The following EFR3B variants were observed in gnomAD, a reference collection of about 807,000 sequenced individuals.
EFR3B encodes the protein protein EFR3 homolog B.
In EFR3B, 64 loss-of-function variants were observed where a neutral mutation model predicts 104.7. That is an observed-to-expected ratio of 0.61 (90% CI 0.50 to 0.75). EFR3B has a LOEUF of 0.75. EFR3B is among the 30% of genes least tolerant of loss of function. The pLI, the probability that EFR3B is intolerant of heterozygous loss-of-function variation, is 0.00. For missense variants in EFR3B, 750 were observed against 1,078.5 expected (o/e 0.70, Z 4.27); for synonymous variants, 385 against 417.9 (o/e 0.92, Z 0.96).
chr2:25,087,412 T>G (rs1406496801), intron 1 of EFR3B, among the ~76,000 whole-genome samples: 2 of 151,974 alleles, frequency 1.3e-5, no homozygotes, highest in African/African-American at 4.8e-5. Context: ...TTATTAGCTA[T>G]GTCTTCTACA....
chr2:25,086,707 C>T (rs1020298114), intron 1 of EFR3B, among the ~76,000 whole-genome samples: 1 of 152,106 alleles, frequency 6.6e-6, no homozygotes, highest in African/African-American at 2.4e-5. Flanking sequence ...ATTCTGTTAC[C>T]TCAGCCTCCC....
chr2:25,106,424 G>C (rs1558604026), intron 4 of EFR3B, among the ~76,000 whole-genome samples: 1 of 151,728 alleles, frequency 6.6e-6, no homozygotes, highest in Admixed American at 6.6e-5. Flanking sequence ...CCAGTAGCTA[G>C]GATTAGAGGT....
rs971193729 is a variant in EFR3B, at chr2:25,142,278, A to G, written c.1922+845A>G. Among the ~76,000 whole-genome samples, 12 of 152,150 alleles carry G rather than the reference A, an allele frequency of 7.9e-5. No individual in the cohort carries two copies. In the East Asian group the frequency reaches 1.7e-3, roughly 22 times the overall value. On this transcript the variant is annotated intron_variant, in intron 17 of 22. Transcript: ENST00000403714. Reference sequence around the variant, plus strand: ...GCCAACATGGTGAAACCCCATCTCTACTAAAAATACAAAAATTAGCCAGGT... The same window carrying G: ...GCCAACATGGTGAAACCCCATCTCTGCTAAAAATACAAAAATTAGCCAGGT...
intron 12 of EFR3B, 121 bp downstream of exon 12, chr2:25,133,555 C>A: frequency 9.4e-7 from 1 of 1,064,980 alleles, no homozygotes; most frequent in South Asian, 1.4e-5. Context: ...TACACCCAGT[C>A]GGTTGAGTCG....
At chr2:25,069,992 C>T (rs1668450528) in intron 1 of EFR3B, among the ~76,000 whole-genome samples, 2 of 152,200 alleles carry the variant, frequency 1.3e-5, no homozygotes, top group African/African-American at 4.8e-5. Context: ...CCCCCACACC[C>T]AGCCAGGGTT....
In EFR3B at chr2:25,154,323, G is replaced by A. The variant is rs1262329645; in HGVS notation, c.2437G>A (p.Asp813Asn). 6.4e-6 allele frequency: 10 copies of A among 1,552,008 alleles called. No homozygotes were observed. In the African/African-American group the frequency reaches 6.8e-5, roughly 11 times the overall value. The change falls in exon 23 of 23, where the codon GAT becomes AAT. Residue 813 changes from aspartate to asparagine, a missense_variant. Coordinates refer to ENST00000403714, the MANE Select transcript of EFR3B (RefSeq NM_014971.2). This position sits in a 1 kb window ranked among gnomAD's most constrained non-coding sequence, Gnocchi z 4.1. ...CCCCGTCTATGAAATGAAGTTTCCC[G>A]ATCTGTGTGTATACTGAATTCCAAG... ...SIPVYEMKFP[D>N]LCVY
intron 1 of EFR3B, among the ~76,000 whole-genome samples, chr2:25,064,054 C>G (rs929987020): frequency 6.6e-6 from 1 of 152,168 alleles, no homozygotes; most frequent in African/African-American, 2.4e-5. Flanking sequence ...CAACCTAGTA[C>G]TTGTTTTGCA....
intron 20 of EFR3B, among the ~76,000 whole-genome samples, chr2:25,151,455 C>A (rs912036303): frequency 4.6e-5 from 7 of 152,046 alleles, no homozygotes; most frequent in African/African-American, 1.7e-4. Context: ...GGGGTTTCAC[C>A]ATGATGGCCA....
At chr2:25,101,787 T>C (rs2149190347) in intron 3 of EFR3B, among the ~76,000 whole-genome samples, 1 of 152,294 alleles carries the variant, frequency 6.6e-6, no homozygotes, top group South Asian at 2.1e-4. Context: ...AAGGGACATA[T>C]TTTAGGGGAG....
At chr2:25,061,861 G>T (rs556444392) in intron 1 of EFR3B, among the ~76,000 whole-genome samples, 3 of 151,888 alleles carry the variant, frequency 2.0e-5, no homozygotes, top group African/African-American at 7.2e-5. Flanking sequence ...GATTGTGGAT[G>T]TACTGGCCCT....
At chr2:25,096,546 T>C (rs963627880) in intron 3 of EFR3B, among the ~76,000 whole-genome samples, 4 of 152,192 alleles carry the variant, frequency 2.6e-5, no homozygotes, top group African/African-American at 4.8e-5. Context: ...CATCCTCAGC[T>C]TGACTTCTGG....
Position 25,143,784 on chromosome 2 carries a change from A to G in EFR3B, c.1972A>G (p.Ser658Gly). 6.4e-7 allele frequency: 1 copy of G among 1,551,610 alleles called. No individual in the cohort carries two copies. The highest frequency in any genetic ancestry group is 8.7e-7 in the Non-Finnish European group (1 of 1,146,986). Residue 658 changes from serine to glycine, a missense_variant, in exon 18 of 23, where the codon AGC becomes GGC. Ser to Gly is a moderately conservative substitution (Grantham distance 56). Transcript: ENST00000403714. ...GVVIELLFRQSKISEVLGGSG... is the reference protein window; with the variant it reads ...GVVIELLFRQGKISEVLGGSG... The stretch of plus-strand genomic sequence containing the variant: ...GGTCATTGAGCTCCTCTTCCGCCAG[A>G]GCAAGATCAGTGAAGTCCTGGGAGG...
intron 1 of EFR3B, among the ~76,000 whole-genome samples, chr2:25,067,654 G>A (rs967732779): frequency 3.3e-5 from 5 of 151,778 alleles, no homozygotes; most frequent in Non-Finnish European, 5.9e-5. Context: ...GGGTGGTCTC[G>A]ATCTCCTGAC....
rs1366962786 is a variant in EFR3B at position 25,130,585 on chromosome 2, G to A, written c.804G>A (p.Lys268=). The A allele has an allele frequency of 2.5e-5, 39 of 1,551,608 alleles. No homozygotes were observed. Among genetic ancestry groups the A allele is most frequent in the Non-Finnish European group, 3.2e-5 (37 of 1,147,010 alleles). ...HLDNHSLWEP[K]VFAIRCFKII... ...ATAACCATTCTCTTTGGGAACCCAA[G>A]GTGTTTGCCATCCGTTGCTTTAAAA... Residue 268 remains lysine (K), a synonymous_variant, in exon 8 of 23, where the codon AAG becomes AAA. Coordinates refer to ENST00000403714, the MANE Select transcript of EFR3B (RefSeq NM_014971.2). This position sits in a 1 kb window ranked among gnomAD's most constrained non-coding sequence, Gnocchi z 4.6.
chr2:25,084,764 G>A (rs1200466619), intron 1 of EFR3B, among the ~76,000 whole-genome samples: 1 of 152,178 alleles, frequency 6.6e-6, no homozygotes, highest in African/African-American at 2.4e-5. Context: ...AAGTGGAGAG[G>A]GGGCTTCCAG....
intron 16 of EFR3B, among the ~76,000 whole-genome samples, chr2:25,141,141 A>ATG (rs1491106485): frequency 6.6e-6 from 1 of 151,662 alleles, no homozygotes; most frequent in Non-Finnish European, 1.5e-5. Flanking sequence ...CTTAGTGCAC[A>ATG]TGTGTCATTG....
intron 1 of EFR3B, among the ~76,000 whole-genome samples, chr2:25,060,954 A>AAC: frequency 8.7e-6 from 1 of 114,828 alleles, no homozygotes; most frequent in Non-Finnish European, 1.9e-5. Context: ...ACAACAACAA[A>AAC]AACCAAAAAA....
intron 20 of EFR3B, among the ~76,000 whole-genome samples, chr2:25,150,162 C>T (rs13401333): frequency 0.59 from 89,669 of 151,750 alleles, 26,831 homozygotes; most frequent in East Asian, 0.68. Flanking sequence ...ATTAGCCAGG[C>T]ATGGTGGCAT....
At chr2:25,088,208 C>A (rs372815862) in intron 1 of EFR3B, among the ~76,000 whole-genome samples, 4 of 152,074 alleles carry the variant, frequency 2.6e-5, no homozygotes, top group Admixed American at 2.6e-4. Flanking sequence ...TTTGTAGCTC[C>A]ATTCTGTTGT....
Sources: gnomAD v4.1 joint callset for allele counts (sites outside exome capture counted in the v4.1 genomes callset) on GRCh38, gnomAD v4.1.1 for gene constraint, Gnocchi (gnomAD v3.1) non-coding constraint, MANE v1.5 for transcripts, NCBI Gene and HGNC (gene_info 2026-07-23, HGNC 2026-07-21) for gene names.